The following SLC29A3 variants were observed in gnomAD, a reference collection of about 807,000 sequenced individuals.
The protein encoded by SLC29A3 is solute carrier family 29 member 3, also known as equilibrative nucleoside transporter 3.
In SLC29A3, 18 loss-of-function variants were observed where a neutral mutation model predicts 25.4. The observed-to-expected ratio is 0.71, with a 90% CI of 0.49 to 1.05. The LOEUF (loss-of-function observed/expected upper bound fraction) is 1.05. SLC29A3 is among the 50% of genes least tolerant of loss of function. The pLI, the probability that SLC29A3 is intolerant of heterozygous loss-of-function variation, is 0.00. For missense variants in SLC29A3, 586 were observed against 609.0 expected (o/e 0.96, Z 0.40); for synonymous variants, 258 against 267.1 (o/e 0.97, Z 0.33).
At chr10:71,354,972 T>C (rs1020176048) in intron 4 of SLC29A3, among the ~76,000 whole-genome samples, 4 of 152,348 alleles carry the variant, frequency 2.6e-5, no homozygotes, top group Admixed American at 2.0e-4. Flanking sequence ...TTCTGACTCA[T>C]GGCCAGCACA....
intron 3 of SLC29A3, among the ~76,000 whole-genome samples, chr10:71,350,982 G>T (rs1846740489): frequency 6.6e-6 from 1 of 152,244 alleles, no homozygotes; most frequent in East Asian, 1.9e-4. Context: ...AGAAAAGTAT[G>T]CATTAAACAC....
chr10:71,346,883 TAAG>T (rs1364527938), intron 3 of SLC29A3, among the ~76,000 whole-genome samples: 1 of 152,126 alleles, frequency 6.6e-6, no homozygotes, highest in African/African-American at 2.4e-5. Flanking sequence ...AGGGGGTGGT[TAAG>T]AAGGGCTGGG....
intron 5 of SLC29A3, among the ~76,000 whole-genome samples, chr10:71,361,571 G>A (rs1372568524): frequency 6.6e-6 from 1 of 152,330 alleles, no homozygotes; most frequent in Admixed American, 6.5e-5. Flanking sequence ...ATTTGGGTTT[G>A]TTGTATCAAG....
At chr10:71,328,865 T>A in intron 2 of SLC29A3, among the ~76,000 whole-genome samples, 1 of 152,218 alleles carries the variant, frequency 6.6e-6, no homozygotes. Flanking sequence ...TCCCCTCCCC[T>A]TATTTCCAGT....
intron 2 of SLC29A3, among the ~76,000 whole-genome samples, chr10:71,340,545 C>T (rs549165606): frequency 6.6e-6 from 1 of 152,314 alleles, no homozygotes; most frequent in Admixed American, 6.5e-5. Flanking sequence ...TGAGGGAGCT[C>T]TCAGGAATCA....
At chr10:71,371,111 G>C (rs1847208337) in intron 3 of SLC29A3, among the ~76,000 whole-genome samples, 1 of 152,114 alleles carries the variant, frequency 6.6e-6, no homozygotes, top group South Asian at 2.1e-4. Context: ...ATTTTGAAAT[G>C]TATGATAGAT....
rs1846807967 is a variant in SLC29A3 at position 71,353,148 on chromosome 10, G to A, written c.610+1360G>A. 2.0e-5 allele frequency among the ~76,000 whole-genome samples: 3 copies of A among 152,192 alleles called. No homozygotes were observed. The South Asian group carries it at 6.2e-4, about 32-fold the overall frequency. On this transcript the variant is annotated intron_variant, in intron 4 of 5. Coordinates refer to ENST00000373189, the MANE Select transcript of SLC29A3 (RefSeq NM_018344.6). ...CCTTCTCAGCGCAGCACTTGAGGCA[G>A]TTACTCTCAGCAGATCAGAGTCTAG...
chr10:71,351,555 G>T lies in SLC29A3; in HGVS notation c.384-7G>T, dbSNP rs775986418. 6.2e-7 allele frequency: 1 copy of T among 1,613,278 alleles called. No individual in the cohort carries two copies. ...GTGTCTAACTGCTTCTGGCATCCTC[G>T]CCCCAGGGTTGCAGTCCACATCCGT... is the stretch of plus-strand genomic sequence containing the variant. On this transcript the variant is annotated splice_polypyrimidine_tract_variant and splice_region_variant and intron_variant, in intron 3 of 5. Transcript: ENST00000373189.
At chr10:71,371,114 T>C (rs937618660) in intron 3 of SLC29A3, among the ~76,000 whole-genome samples, 2 of 152,136 alleles carry the variant, frequency 1.3e-5, no homozygotes, top group African/African-American at 4.8e-5. Context: ...TTGAAATGTA[T>C]GATAGATTAT....
intron 3 of SLC29A3, among the ~76,000 whole-genome samples, chr10:71,346,662 G>A (rs879059518): frequency 6.6e-6 from 1 of 152,194 alleles, no homozygotes; most frequent in Non-Finnish European, 1.5e-5. Context: ...CTATGGTCAC[G>A]TCACTGCACT....
chr10:71,341,662 A>AT (rs768448839), intron 2 of SLC29A3, among the ~76,000 whole-genome samples: 12 of 152,182 alleles, frequency 7.9e-5, no homozygotes, highest in African/African-American at 4.8e-5. Flanking sequence ...AATACTACAA[A>AT]TGAGTGGCTT....
intron 5 of SLC29A3, among the ~76,000 whole-genome samples, chr10:71,360,302 C>T (rs755481697): frequency 6.6e-6 from 1 of 152,054 alleles, no homozygotes; most frequent in Non-Finnish European, 1.5e-5. Flanking sequence ...CACCACCATG[C>T]CTGGCTAATT....
chr10:71,346,370 A>C (rs946875), intron 3 of SLC29A3, among the ~76,000 whole-genome samples: 7 of 151,954 alleles, frequency 4.6e-5, no homozygotes, highest in Non-Finnish European at 1.0e-4. Context: ...AAACAGGCTC[A>C]TGGAGGTGAC....
At chr10:71,331,715 C>A (rs1846121895) in intron 2 of SLC29A3, among the ~76,000 whole-genome samples, 1 of 152,218 alleles carries the variant, frequency 6.6e-6, no homozygotes, top group Non-Finnish European at 1.5e-5. Context: ...TTGAAAAACC[C>A]TGCTCTGCCT....
In SLC29A3 at chr10:71,328,070, C is replaced by T. The variant is rs531220319; in HGVS notation, c.300+5016C>T. Reference sequence around the variant, plus strand: ...CTCCTGGCCATTCCTTGCTGCAAGGCCCCCACAGCCGCTCTCTACACCTTC... The same window carrying T: ...CTCCTGGCCATTCCTTGCTGCAAGGTCCCCACAGCCGCTCTCTACACCTTC... On this transcript the variant is annotated intron_variant, in intron 2 of 5. Transcript: ENST00000373189. Among the ~76,000 whole-genome samples the T allele has an allele frequency of 7.2e-5, 11 of 152,262 alleles. No homozygotes were observed. In the South Asian group the frequency reaches 1.9e-3, roughly 26 times the overall value.
intron 3 of SLC29A3, among the ~76,000 whole-genome samples, chr10:71,372,822 C>T (rs552901778): frequency 5.9e-5 from 9 of 152,310 alleles, no homozygotes; most frequent in South Asian, 2.1e-4. Flanking sequence ...CCAAGGTTGG[C>T]GCCTGGTGGC....
chr10:71,345,726 G>A (rs1403521423), intron 3 of SLC29A3, among the ~76,000 whole-genome samples: 3 of 152,230 alleles, frequency 2.0e-5, no homozygotes, highest in African/African-American at 7.2e-5. Flanking sequence ...CACAGCCTGC[G>A]GAGACCGCCA....
chr10:71,377,477 G>T (rs1399564472), intron 4 of SLC29A3, among the ~76,000 whole-genome samples: 1 of 147,742 alleles, frequency 6.8e-6, no homozygotes, highest in African/African-American at 2.7e-5. Context: ...CGAAATAGAT[G>T]GCCGCGAGGG....
Position 71,362,721 on chromosome 10 carries a change from CA to C in SLC29A3, c.*114del. 7.1e-7 allele frequency: 1 copy of C among 1,413,480 alleles called. No individual in the cohort carries two copies. The highest frequency in any genetic ancestry group is 9.8e-7 in the Non-Finnish European group (1 of 1,016,998). 87.6% of individuals were successfully genotyped at this position (1,413,480 alleles called of 1,614,324 possible). On this transcript the variant is annotated 3_prime_UTR_variant, in exon 6 of 6. Transcript: ENST00000373189. ...TAAAGTTTCACTTGGGGACAGAGAG[CA>C]GAGCACACTCGGGCCTCATCCCTCC... is the stretch of plus-strand genomic sequence containing the variant.
Sources: allele counts gnomAD v4.1 joint callset (sites outside exome capture counted in the v4.1 genomes callset), GRCh38; gene constraint gnomAD v4.1.1; transcripts MANE v1.5; gene names NCBI Gene and HGNC (gene_info 2026-07-23, HGNC 2026-07-21).